MGAT4C: variants seen among roughly 807,000 people sequenced by gnomAD.
MGAT4C encodes alpha-1,3-mannosyl-glycoprotein 4-beta-N-acetylglucosaminyltransferase C.
Under a neutral mutation model 40.1 loss-of-function variants are expected in MGAT4C, and 19 were observed. That is an observed-to-expected ratio of 0.47 (90% CI 0.33 to 0.70). The LOEUF is 0.70. Among genes scored for constraint, MGAT4C ranks in the 30% least tolerant of loss-of-function variants. MGAT4C has a pLI of 0.02. For missense variants in MGAT4C, 491 were observed against 563.2 expected, an observed-to-expected ratio of 0.87 and a Z score of 1.30; for synonymous variants, 181 against 187.1, an observed-to-expected ratio of 0.97 and a Z score of 0.27.
At chr12:86,504,713 A>C (rs1283352101) in intron 2 of MGAT4C, among the ~76,000 whole-genome samples, 2 of 152,064 alleles carry the variant, frequency 1.3e-5, no homozygotes, top group African/African-American at 2.4e-5. Flanking sequence ...TTGAGACAGC[A>C]TCTCACACTG....
At position 85,961,030 on chromosome 12, in the gene MGAT4C, A is replaced by G. The variant is rs1883086247; in HGVS notation, c.*18259T>C. Reference sequence around the variant, plus strand: ...AGTCAGTCACCTAAATGACTTTCTGACTATAAATTTGAAAACAATATTCTC... The same window carrying G: ...AGTCAGTCACCTAAATGACTTTCTGGCTATAAATTTGAAAACAATATTCTC... On this transcript the variant is annotated 3_prime_UTR_variant, in exon 5 of 5. Transcript: ENST00000611864. 6.6e-6 allele frequency: 1 copy of G among 152,028 alleles called. No homozygotes were observed. Among genetic ancestry groups the G allele is most frequent in the Admixed American group, 6.6e-5 (1 of 15,246 alleles). The allele number at this position is 152,028 out of a possible 1,614,324, so 9.4% of individuals were successfully genotyped here.
At chr12:86,090,370 T>G (rs1872679598) in intron 1 of MGAT4C, among the ~76,000 whole-genome samples, 1 of 151,786 alleles carries the variant, frequency 6.6e-6, no homozygotes, top group Non-Finnish European at 1.5e-5. Flanking sequence ...TATTTCATCT[T>G]ATTTAATTTT....
At chr12:85,982,324 A>G (rs1884691401) in intron 4 of MGAT4C, among the ~76,000 whole-genome samples, 1 of 151,974 alleles carries the variant, frequency 6.6e-6, no homozygotes, top group Non-Finnish European at 1.5e-5. Flanking sequence ...GAGTAGCTGG[A>G]ATTACAGGTG....
intron 2 of MGAT4C, among the ~76,000 whole-genome samples, chr12:86,707,921 A>G (rs181008757): frequency 2.6e-5 from 4 of 152,338 alleles, no homozygotes; most frequent in African/African-American, 4.8e-5. Context: ...GCAGAGCAGA[A>G]AAGTTCAGAA....
At chr12:86,406,200 G>T (rs1956470210) in intron 3 of MGAT4C, among the ~76,000 whole-genome samples, 1 of 150,924 alleles carries the variant, frequency 6.6e-6, no homozygotes, top group South Asian at 2.1e-4. Context: ...GTCAAAAAGT[G>T]CTTAGATGAC....
At chr12:86,755,244 T>C (rs1317266331) in intron 1 of MGAT4C, among the ~76,000 whole-genome samples, 1 of 152,128 alleles carries the variant, frequency 6.6e-6, no homozygotes, top group African/African-American at 2.4e-5. Flanking sequence ...CTGCATGAGT[T>C]TTCTGCTGAA....
At chr12:86,784,710 C>T (rs1951901406) in intron 1 of MGAT4C, among the ~76,000 whole-genome samples, 1 of 151,062 alleles carries the variant, frequency 6.6e-6, no homozygotes, top group East Asian at 1.9e-4. Context: ...CAAAGAGTAG[C>T]CCTGAAGGAA....
At chr12:86,369,663 G>T (rs1592753280) in intron 3 of MGAT4C, among the ~76,000 whole-genome samples, 1 of 151,806 alleles carries the variant, frequency 6.6e-6, no homozygotes, top group Non-Finnish European at 1.5e-5. Context: ...TTTTAATTGT[G>T]CAGCCATTAA....
chr12:86,379,605 T>A (rs1169437346), intron 3 of MGAT4C, among the ~76,000 whole-genome samples: 1 of 152,120 alleles, frequency 6.6e-6, no homozygotes, highest in Non-Finnish European at 1.5e-5. Context: ...AGATAAATAT[T>A]TGACCAGTGA....
intron 2 of MGAT4C, among the ~76,000 whole-genome samples, chr12:86,029,492 A>G (rs970705314): frequency 6.6e-6 from 1 of 151,988 alleles, no homozygotes; most frequent in Non-Finnish European, 1.5e-5. Context: ...TATGAGAATG[A>G]GAATACAAAC....
intron 1 of MGAT4C, among the ~76,000 whole-genome samples, chr12:86,803,097 C>G (rs1952265375): frequency 7.0e-6 from 1 of 143,224 alleles, no homozygotes; most frequent in South Asian, 2.2e-4. Flanking sequence ...ACAGAGCCCT[C>G]ATAAATAATG....
chr12:86,033,633 C>T (rs1890961516), intron 2 of MGAT4C, among the ~76,000 whole-genome samples: 2 of 149,606 alleles, frequency 1.3e-5, no homozygotes, highest in East Asian at 3.9e-4. Context: ...AGTTGTTTAT[C>T]AGATCAAAGA....
intron 1 of MGAT4C, among the ~76,000 whole-genome samples, chr12:86,798,882 G>T (rs1381320540): frequency 1.3e-5 from 2 of 151,730 alleles, no homozygotes; most frequent in Non-Finnish European, 2.9e-5. Flanking sequence ...TTATTATTCT[G>T]TAAGAAGCAA....
At chr12:86,054,466 ATTTCAATTAG>A (rs1191807756) in intron 1 of MGAT4C, among the ~76,000 whole-genome samples, 2 of 151,978 alleles carry the variant, frequency 1.3e-5, no homozygotes, top group Admixed American at 6.6e-5. Flanking sequence ...AGGTTATACA[ATTTCAATTAG>A]ATAGGTGAAA....
rs139766142 is a variant in MGAT4C, at chr12:86,165,699, G to T, written c.-57+90540C>A. On this transcript the variant is annotated intron_variant, in intron 1 of 4. Coordinates refer to ENST00000611864, the MANE Select transcript of MGAT4C (RefSeq NM_001351288.2). ...ATTTTAACTGAAATCAATTTAAAAC[G>T]ATGATATAAATGAGAGATATTTGAT... is the stretch of plus-strand genomic sequence containing the variant. Among the ~76,000 whole-genome samples the T allele has an allele frequency of 3.3e-5, 5 of 152,138 alleles. No homozygotes were observed. The East Asian group carries it at 9.6e-4, about 29-fold the overall frequency.
chr12:86,124,412 T>C (rs866109697), intron 1 of MGAT4C, among the ~76,000 whole-genome samples: 13 of 152,132 alleles, frequency 8.5e-5, no homozygotes, highest in African/African-American at 2.7e-4. Context: ...TGTAAGTTAG[T>C]GAAAGATACA....
At chr12:86,302,347 G>C (rs1236673281) in intron 4 of MGAT4C, among the ~76,000 whole-genome samples, 1 of 150,740 alleles carries the variant, frequency 6.6e-6, no homozygotes, top group East Asian at 1.9e-4. Context: ...TCCATAATTT[G>C]TAGGAAATTG....
intron 3 of MGAT4C, among the ~76,000 whole-genome samples, chr12:86,427,171 G>A (rs76568747): frequency 0.029 from 4,398 of 152,154 alleles, 92 homozygotes; most frequent in Middle Eastern, 0.078. Context: ...TTCCCTAAGA[G>A]GGGCTGCCTT....
chr12:86,754,341 G>A (rs184766522), intron 1 of MGAT4C, among the ~76,000 whole-genome samples: 16 of 152,216 alleles, frequency 1.1e-4, no homozygotes, highest in Admixed American at 3.9e-4. Context: ...GGAGTGAAGG[G>A]AGGGAAGGAT....
Sources: allele counts gnomAD v4.1 joint callset (sites outside exome capture counted in the v4.1 genomes callset), GRCh38; gene constraint gnomAD v4.1.1; transcripts MANE v1.5; gene names NCBI Gene and HGNC (gene_info 2026-07-23, HGNC 2026-07-21).